Variants in THRB observed in about 807,000 individuals in gnomAD.
THRB encodes thyroid hormone receptor beta.
Under a neutral mutation model 47.8 loss-of-function variants are expected in THRB, and 12 were observed. The ratio of observed to expected loss-of-function variants is 0.25; its 90% CI spans 0.16 to 0.41. THRB has a LOEUF of 0.41. Among genes scored for constraint, THRB ranks in the 10% least tolerant of loss-of-function variants. The pLI, the probability that THRB is intolerant of heterozygous loss-of-function variation, is 1.00. For missense variants in THRB, 348 were observed against 589.2 expected, an observed-to-expected ratio of 0.59 and a Z score of 4.24; for synonymous variants, 218 against 212.2, an observed-to-expected ratio of 1.03 and a Z score of -0.24.
intron 1 of THRB, among the ~76,000 whole-genome samples, chr3:24,396,203 C>G (rs1577302244): frequency 6.6e-6 from 1 of 151,990 alleles, no homozygotes; most frequent in Non-Finnish European, 1.5e-5. Flanking sequence ...TACACACACC[C>G]ACATACCTCA....
chr3:24,292,598 T>C (rs532062243), intron 3 of THRB, among the ~76,000 whole-genome samples: 18 of 152,252 alleles, frequency 1.2e-4, no homozygotes, highest in Admixed American at 2.0e-4. Context: ...CTGCTGGGGG[T>C]CAGGAACCAT....
chr3:24,435,686 AC>A (rs1217602658), intron 1 of THRB, among the ~76,000 whole-genome samples: 2 of 152,188 alleles, frequency 1.3e-5, no homozygotes, highest in Admixed American at 6.6e-5. Context: ...GGCTCTAGCC[AC>A]CCCCACTCAA....
intron 4 of THRB, among the ~76,000 whole-genome samples, chr3:24,219,521 T>C (rs548794717): frequency 8.5e-5 from 13 of 152,132 alleles, no homozygotes; most frequent in Non-Finnish European, 1.9e-4. Flanking sequence ...AAATGCATGG[T>C]TTCAGGAACC....
rs574516119 is a variant in THRB at position 24,306,468 on chromosome 3, G to A, written c.-188-9097C>T. Among the ~76,000 whole-genome samples the A allele has an allele frequency of 1.1e-4, 16 of 150,442 alleles. 1 individual carries two copies. The South Asian group carries it at 3.1e-3, about 29-fold the overall frequency. On this transcript the variant is annotated intron_variant, in intron 2 of 10. Transcript: ENST00000646209. ...ATAAATATAGATTCCCTGAAAGCAG[G>A]AATTATAAATGGGCTGGGGAACAAG...
chr3:24,184,247 C>T (rs1187938497), intron 5 of THRB, among the ~76,000 whole-genome samples: 3 of 152,202 alleles, frequency 2.0e-5, no homozygotes, highest in African/African-American at 4.8e-5. Context: ...ACATTTAGAT[C>T]GCTTCCAGTT....
chr3:24,448,862 C>A (rs1291566665), intron 1 of THRB, among the ~76,000 whole-genome samples: 1 of 152,178 alleles, frequency 6.6e-6, no homozygotes, highest in Non-Finnish European at 1.5e-5. Flanking sequence ...CAGCAGATGA[C>A]AGGGAAGGAC....
chr3:24,127,668 A>G lies in THRB; in HGVS notation c.975T>C (p.Ser325=), dbSNP rs762801903. 10 of 1,613,988 alleles carry G rather than the reference A, an allele frequency of 6.2e-6. No homozygotes were observed. The highest frequency in any genetic ancestry group is 2.7e-5 in the African/African-American group (2 of 74,906). The change falls in exon 10 of 11, where the codon AGT becomes AGC. Residue 325 remains serine, a synonymous_variant. Transcript: ENST00000646209. ...TTTCCCCATTCAAGGTTAAAGTCTC[A>G]CTTTCTGGGTCATAGCGCACAGCAG... ...LRAAVRYDPE[S]ETLTLNGEMA... is the part of the protein sequence containing the mutation.
intron 7 of THRB, 63 bp downstream of exon 7, chr3:24,146,612 C>T (rs2036141442): frequency 6.3e-7 from 1 of 1,586,998 alleles, no homozygotes; most frequent in East Asian, 2.2e-5. Flanking sequence ...AGTCGATCTC[C>T]TTGAACCAAA....
chr3:24,489,642 A>G (rs2125949623), intron 1 of THRB, among the ~76,000 whole-genome samples: 1 of 152,316 alleles, frequency 6.6e-6, no homozygotes, highest in South Asian at 2.1e-4. Flanking sequence ...CAACTCAATA[A>G]AAATAGCACT....
chr3:24,238,252 GGTGT>G (rs1164085951), intron 3 of THRB, among the ~76,000 whole-genome samples: 17 of 134,650 alleles, frequency 1.3e-4, no homozygotes, highest in African/African-American at 4.0e-4. Context: ...TGCTAAAGAG[GGTGT>G]GTGTGTATGT....
intron 3 of THRB, among the ~76,000 whole-genome samples, chr3:24,256,120 C>A (rs547009226): frequency 3.2e-4 from 49 of 152,200 alleles, no homozygotes; most frequent in African/African-American, 1.1e-3. Flanking sequence ...ACAAAGAAAT[C>A]CCAGAGAGTT....
At chr3:24,221,147 T>G (rs557575367) in intron 4 of THRB, among the ~76,000 whole-genome samples, 1 of 152,216 alleles carries the variant, frequency 6.6e-6, no homozygotes, top group Non-Finnish European at 1.5e-5. Context: ...AACAAGCGCC[T>G]GGGACTTTTC....
At chr3:24,346,570 A>G (rs749318636) in intron 1 of THRB, among the ~76,000 whole-genome samples, 4 of 152,034 alleles carry the variant, frequency 2.6e-5, no homozygotes, top group Admixed American at 6.6e-5. Context: ...TAACTGAGAC[A>G]CTTTTGATAT....
intron 3 of THRB, among the ~76,000 whole-genome samples, chr3:24,254,597 C>G (rs1667744): frequency 0.63 from 95,158 of 151,966 alleles, 30,751 homozygotes; most frequent in Middle Eastern, 0.74. Context: ...CAACACAAGT[C>G]TCCCAGCCTT....
At chr3:24,133,276 A>G (rs373848658) in intron 9 of THRB, 40 bp downstream of exon 9, 80 of 1,609,540 alleles carry the variant, frequency 5.0e-5, no homozygotes, top group Middle Eastern at 4.9e-4. Context: ...TGATGAAACT[A>G]TAATTAAGAA....
intron 1 of THRB, among the ~76,000 whole-genome samples, chr3:24,408,319 C>CACT (rs2067995100): frequency 6.6e-6 from 1 of 151,856 alleles, no homozygotes; most frequent in Non-Finnish European, 1.5e-5. Flanking sequence ...TCAGACATAA[C>CACT]GCTCTGAGAA....
intron 3 of THRB, among the ~76,000 whole-genome samples, chr3:24,282,904 A>G (rs2054779931): frequency 1.3e-5 from 2 of 151,800 alleles, no homozygotes; most frequent in African/African-American, 4.9e-5. Context: ...GAATCTCTGA[A>G]TAGACCAATA....
At chr3:24,143,968 G>T in intron 7 of THRB, 3 of 528,386 alleles carry the variant, frequency 5.7e-6, no homozygotes, top group East Asian at 3.5e-5. Flanking sequence ...TAGACACTGC[G>T]CACTCCAACT....
chr3:24,438,589 T>A (rs1344524338), intron 1 of THRB, among the ~76,000 whole-genome samples: 1 of 151,718 alleles, frequency 6.6e-6, no homozygotes, highest in Admixed American at 6.6e-5. Context: ...ATCCACGGGA[T>A]CATTGATGTT....
Sources: allele counts gnomAD v4.1 joint callset (sites outside exome capture counted in the v4.1 genomes callset), GRCh38; gene constraint gnomAD v4.1.1; transcripts MANE v1.5; gene names NCBI Gene and HGNC (gene_info 2026-07-23, HGNC 2026-07-21).